Variants in ZDHHC11B observed in about 807,000 individuals in gnomAD.
The protein encoded by ZDHHC11B is zDHHC palmitoyltransferase 11B (putative).
Under a neutral mutation model 42.3 loss-of-function variants are expected in ZDHHC11B, and 17 were observed. That is an observed-to-expected ratio of 0.40 (90% CI 0.27 to 0.60). ZDHHC11B has a LOEUF of 0.60. Ranked by LOEUF, ZDHHC11B falls within the 20% of genes least tolerant of loss-of-function variation. ZDHHC11B has a pLI of 0.41. For synonymous variants in ZDHHC11B, 123 were observed against 193.5 expected, an observed-to-expected ratio of 0.64 and a Z score of 3.02; for missense variants, 262 against 463.2, an observed-to-expected ratio of 0.57 and a Z score of 3.99.
intron 4 of ZDHHC11B, among the ~76,000 whole-genome samples, chr5:765,173 T>C (rs1481986686): frequency 1.3e-5 from 2 of 149,524 alleles, no homozygotes; most frequent in Non-Finnish European, 3.0e-5. Context: ...GCACTCTGTA[T>C]CTAGCTAATC....
intron 1 of ZDHHC11B, among the ~76,000 whole-genome samples, chr5:776,939 C>T (rs7735715): frequency 0.035 from 5,282 of 149,796 alleles, 86 homozygotes; most frequent in East Asian, 0.13. Context: ...CTTCTCAGCC[C>T]AGGCCGCCTG....
chr5:776,071 C>T lies in ZDHHC11B; in HGVS notation c.-229-7141G>A, dbSNP rs186691933. ...GCCGCTGGGCTCTTCAGAACCTTTA[C>T]GCCCAAGTCCTGTCCAGGGGGAGCA... On this transcript the variant is annotated intron_variant, in intron 1 of 13. Coordinates refer to ENST00000508859, the MANE Select transcript of ZDHHC11B (RefSeq NM_001351303.2). Among the ~76,000 whole-genome samples, 569 of 150,092 alleles carry T rather than the reference C, an allele frequency of 3.8e-3. 34 individuals carry two copies. Among genetic ancestry groups the T allele is most frequent in the African/African-American group, 0.013 (535 of 40,314 alleles).
Position 766,718 on chromosome 5 carries a change from A to C in ZDHHC11B, c.202T>G (p.Trp68Gly). Residue 68 changes from tryptophan to glycine, a missense_variant, in exon 4 of 14, where the codon TGG becomes GGG. Trp to Gly is a radical substitution (Grantham distance 184). Transcript: ENST00000508859. ...GATACCACATAGGCGATGTATTTCC[A>C]CGAGTGAGGCAGGAGGGGAATGAAG... is the stretch of plus-strand genomic sequence containing the variant. ...RIFIPLLPHS[W>G]KYIAYVVTGG... 6.2e-7 allele frequency: 1 copy of C among 1,610,748 alleles called. No individual in the cohort carries two copies. Among genetic ancestry groups the C allele is most frequent in the Non-Finnish European group, 8.5e-7 (1 of 1,178,290 alleles).
chr5:775,693 C>A (rs1260532404), intron 1 of ZDHHC11B, among the ~76,000 whole-genome samples: 2 of 151,840 alleles, frequency 1.3e-5, no homozygotes, highest in East Asian at 1.9e-4. Context: ...CTCCCTCTAA[C>A]CCTGGAGACG....
chr5:732,205 T>A (rs1221605835), intron 11 of ZDHHC11B: 1 of 159,960 alleles, frequency 6.3e-6, no homozygotes, highest in Non-Finnish European at 1.4e-5. Flanking sequence ...CTCCCCGATG[T>A]GAACAATGAA....
intron 12 of ZDHHC11B, among the ~76,000 whole-genome samples, chr5:718,385 G>T (rs1308005709): frequency 6.6e-6 from 1 of 151,716 alleles, no homozygotes. Context: ...GAAGAAAGGA[G>T]AAGCTGGGCT....
chr5:766,267 T>C (rs1735344390), intron 4 of ZDHHC11B, among the ~76,000 whole-genome samples: 1 of 149,970 alleles, frequency 6.7e-6, no homozygotes. Flanking sequence ...AGACACGGGC[T>C]TCCCCCTCTT....
chr5:760,805 G>A (rs1734507003), intron 4 of ZDHHC11B, among the ~76,000 whole-genome samples: 1 of 151,776 alleles, frequency 6.6e-6, no homozygotes, highest in Admixed American at 6.6e-5. Context: ...CGGACTGGCA[G>A]GGGCAGTGAC....
chr5:712,732 A>AC (rs1741461882), intron 13 of ZDHHC11B, among the ~76,000 whole-genome samples: 1 of 151,246 alleles, frequency 6.6e-6, no homozygotes, highest in African/African-American at 2.4e-5. Context: ...ATACGGTGAA[A>AC]CCCCGTCTCT....
intron 4 of ZDHHC11B, among the ~76,000 whole-genome samples, chr5:756,743 C>T (rs1307657019): frequency 6.6e-6 from 1 of 151,644 alleles, no homozygotes; most frequent in African/African-American, 2.4e-5. Context: ...AGAAGACAGC[C>T]TCAGACAGGA....
intron 12 of ZDHHC11B, among the ~76,000 whole-genome samples, chr5:719,644 T>C (rs1361247243): frequency 6.8e-6 from 1 of 146,060 alleles, no homozygotes; most frequent in African/African-American, 2.5e-5. Context: ...AAAAAAAGAA[T>C]GAAAGAGGAT....
chr5:758,514 T>G (rs1561172773), intron 4 of ZDHHC11B, among the ~76,000 whole-genome samples: 1 of 151,904 alleles, frequency 6.6e-6, no homozygotes, highest in East Asian at 1.9e-4. Flanking sequence ...TTGACTTCCC[T>G]GTGGAGGAGC....
chr5:746,746 G>A (rs1427773724), intron 8 of ZDHHC11B, among the ~76,000 whole-genome samples: 1 of 150,404 alleles, frequency 6.6e-6, no homozygotes, highest in Non-Finnish European at 1.5e-5. Context: ...ACCCAAAGGA[G>A]CCTGCAGCCC....
chr5:748,794 G>A (rs1434207721), intron 7 of ZDHHC11B, among the ~76,000 whole-genome samples: 4 of 127,982 alleles, frequency 3.1e-5, no homozygotes, highest in African/African-American at 1.0e-4. Flanking sequence ...GCTCCAACAG[G>A]GTCACTAAGT....
chr5:732,479 G>A (rs1282732843), intron 11 of ZDHHC11B: 1 of 332,678 alleles, frequency 3.0e-6, no homozygotes, highest in African/African-American at 2.1e-5. Context: ...GGCTGAGTCT[G>A]GGCGGGGGTG....
At chr5:732,369 G>A (rs1449434430) in intron 11 of ZDHHC11B, 2 of 250,306 alleles carry the variant, frequency 8.0e-6, no homozygotes, top group Admixed American at 4.8e-5. Context: ...ACACCGAGGG[G>A]ACTCACAAAT....
intron 10 of ZDHHC11B, among the ~76,000 whole-genome samples, chr5:737,126 G>C (rs1743615653): frequency 6.7e-6 from 1 of 149,494 alleles, no homozygotes; most frequent in African/African-American, 2.5e-5. Flanking sequence ...AATGAAATGA[G>C]AGATAGCACA....
rs1177596316 is a variant in ZDHHC11B at position 711,007 on chromosome 5, G to A, written c.*1283C>T. 6.9e-6 allele frequency: 1 copy of A among 145,392 alleles called. No homozygotes were observed. The highest frequency in any genetic ancestry group is 1.5e-5 in the Non-Finnish European group (1 of 67,228). The allele number at this position is 145,392 out of a possible 1,614,324, so 9.0% of individuals were successfully genotyped here. On this transcript the variant is annotated 3_prime_UTR_variant, in exon 14 of 14. Coordinates refer to ENST00000508859, the MANE Select transcript of ZDHHC11B (RefSeq NM_001351303.2). ...ACTGTGCTCCATTTCCCAGTACTGTGAGCTCCCATTTCTCAGCGCTGTGCT... is the reference window on the plus strand; with the variant it reads ...ACTGTGCTCCATTTCCCAGTACTGTAAGCTCCCATTTCTCAGCGCTGTGCT...
At chr5:766,449 C>G (rs1262406691) in intron 4 of ZDHHC11B, among the ~76,000 whole-genome samples, 1 of 151,906 alleles carries the variant, frequency 6.6e-6, no homozygotes, top group Admixed American at 6.6e-5. Context: ...AGTGGCTGCT[C>G]TGTCCACCCG....
Sources: allele counts gnomAD v4.1 joint callset (sites outside exome capture counted in the v4.1 genomes callset), GRCh38; gene constraint gnomAD v4.1.1; transcripts MANE v1.5; gene names NCBI Gene and HGNC (gene_info 2026-07-23, HGNC 2026-07-21).